ANXA4: variants seen among roughly 807,000 people sequenced by gnomAD.
ANXA4 encodes the protein annexin A4.
A neutral mutation model predicts 49.8 loss-of-function variants in ANXA4; 39 were observed. That is an observed-to-expected ratio of 0.78 (90% CI 0.61 to 1.02). ANXA4 has a LOEUF of 1.02. Ranked by LOEUF, ANXA4 falls within the 50% of genes least tolerant of loss-of-function variation. ANXA4 has a pLI of 0.00. For missense variants in ANXA4, 360 were observed against 410.1 expected (o/e 0.88, Z 1.05); for synonymous variants, 134 against 152.5 (o/e 0.88, Z 0.89).
At chr2:69,789,898 C>CT (rs1273227065) in intron 3 of ANXA4, among the ~76,000 whole-genome samples, 1 of 152,104 alleles carries the variant, frequency 6.6e-6, no homozygotes, top group African/African-American at 2.4e-5. Context: ...CCACCCAAGT[C>CT]TGTTTTTAGC....
chr2:69,805,528 T>C (rs141810831), intron 4 of ANXA4, among the ~76,000 whole-genome samples: 454 of 150,204 alleles, frequency 3.0e-3, no homozygotes, highest in African/African-American at 0.01. Context: ...ATCGCTTGAA[T>C]CCAGGAGGCG....
intron 3 of ANXA4, among the ~76,000 whole-genome samples, chr2:69,728,392 A>AATAAAT (rs1488282401): frequency 5.9e-5 from 9 of 152,142 alleles, no homozygotes; most frequent in East Asian, 3.8e-4. Flanking sequence ...ATATAACTGA[A>AATAAAT]TTTATTTATT....
At chr2:69,710,306 C>G (rs1026602197) in intron 2 of ANXA4, among the ~76,000 whole-genome samples, 1 of 152,048 alleles carries the variant, frequency 6.6e-6, no homozygotes, top group Admixed American at 6.5e-5. Context: ...TTTTTAAATG[C>G]ATTGCTGATA....
chr2:69,723,296 T>C (rs550902585), intron 3 of ANXA4, among the ~76,000 whole-genome samples: 1 of 151,936 alleles, frequency 6.6e-6, no homozygotes, highest in East Asian at 1.9e-4. Context: ...TAAAAGCTAC[T>C]AAATAAATAT....
chr2:69,814,468 C>T (rs1265122863), intron 8 of ANXA4, among the ~76,000 whole-genome samples: 1 of 151,350 alleles, frequency 6.6e-6, no homozygotes, highest in Non-Finnish European at 1.5e-5. Context: ...ACCTCAGCCT[C>T]CTGAGTAGCT....
At position 69,651,816 on chromosome 2, in the gene ANXA4, TTGGGG is replaced by T. The variant is rs1434123719; in HGVS notation, n.482-1181_482-1177del. Among the ~76,000 whole-genome samples the T allele has an allele frequency of 2.9e-3, 54 of 18,842 alleles. No individual in the cohort carries two copies. In the East Asian group the frequency reaches 0.047, roughly 17 times the overall value. The allele number at this position is 18,842 out of a possible 152,430, so 12.4% of individuals were successfully genotyped here. A position where few individuals can be genotyped will look rare whatever the true frequency, so the allele number is the denominator to read the frequency against. ...CGCGCCCGGCTTTTTTTTTTTTTTT[TTGGGG>T]GGGGGGGGCGGGGAGACAGAGTCTC... is the stretch of plus-strand genomic sequence containing the variant. On this transcript the variant is annotated intron_variant and non_coding_transcript_variant, in intron 1 of 3. Transcript: ENST00000418066.
intron 1 of ANXA4, among the ~76,000 whole-genome samples, chr2:69,776,864 G>A (rs1332876857): frequency 1.3e-5 from 2 of 152,168 alleles, no homozygotes; most frequent in African/African-American, 4.8e-5. Flanking sequence ...GACAAGCTTG[G>A]GTTAAGGGAT....
At chr2:69,748,797 A>G (rs2105486347) in intron 1 of ANXA4, among the ~76,000 whole-genome samples, 1 of 149,036 alleles carries the variant, frequency 6.7e-6, no homozygotes, top group South Asian at 2.1e-4. Context: ...TGCACCCTCG[A>G]CCTCCCAAGC....
At chr2:69,782,191 G>A (rs998682424) in intron 2 of ANXA4, among the ~76,000 whole-genome samples, 22 of 152,118 alleles carry the variant, frequency 1.4e-4, no homozygotes, top group Admixed American at 1.4e-3. Context: ...CCCAAATACG[G>A]TTTCTGAATA....
chr2:69,819,329 A>G lies in ANXA4; in HGVS notation c.774A>G (p.Lys258=), dbSNP rs753407837. 6 of 1,607,438 alleles carry G rather than the reference A, an allele frequency of 3.7e-6. 1 individual carries two copies. In the Admixed American group the frequency reaches 6.7e-5, roughly 18 times the overall value. ...KSAYFAEKLY[K]SMKGLGTDDN... The stretch of plus-strand genomic sequence containing the variant: ...CATATTTTGCTGAAAAGCTCTATAA[A>G]TCGATGAAGGTAAATGGCCTTATTT... Residue 258 remains lysine, a synonymous_variant, in exon 11 of 13, where the codon AAA becomes AAG. Coordinates refer to ENST00000394295, the MANE Select transcript of ANXA4 (RefSeq NM_001153.5).
chr2:69,650,707 G>T (rs983067173), intron 1 of ANXA4, among the ~76,000 whole-genome samples: 2 of 152,098 alleles, frequency 1.3e-5, no homozygotes, highest in Non-Finnish European at 2.9e-5. Flanking sequence ...TCCTCCCTCG[G>T]CCTCCCAAAG....
intron 1 of ANXA4, among the ~76,000 whole-genome samples, chr2:69,652,046 T>C (rs1373603212): frequency 1.3e-5 from 2 of 152,022 alleles, no homozygotes; most frequent in Non-Finnish European, 2.9e-5. Flanking sequence ...GGAGTCTCAC[T>C]CTATCACCCA....
chr2:69,784,866 A>T (rs1182342779), intron 2 of ANXA4, among the ~76,000 whole-genome samples: 1 of 152,088 alleles, frequency 6.6e-6, no homozygotes, highest in Non-Finnish European at 1.5e-5. Context: ...CACCCCTTGT[A>T]TGTCTCTGTC....
At chr2:69,742,002 G>C (rs556834902), upstream of ANXA4, 1 of 152,398 alleles carries the variant, frequency 6.6e-6, no homozygotes, top group Non-Finnish European at 1.5e-5. Context: ...GGGGCCCCAG[G>C]TGCGCTTCCC....
chr2:69,683,501 GT>G (rs1677669306), intron 2 of ANXA4, among the ~76,000 whole-genome samples: 1 of 152,156 alleles, frequency 6.6e-6, no homozygotes, highest in Non-Finnish European at 1.5e-5. Flanking sequence ...TCATTATCTT[GT>G]TTTGATAGGT....
chr2:69,682,400 C>T (rs1296989965), intron 2 of ANXA4, among the ~76,000 whole-genome samples: 1 of 151,866 alleles, frequency 6.6e-6, no homozygotes, highest in Non-Finnish European at 1.5e-5. Flanking sequence ...ATGATTCATC[C>T]TTGCTTTTTA....
intron 2 of ANXA4, among the ~76,000 whole-genome samples, chr2:69,682,352 G>C (rs1486591312): frequency 6.6e-6 from 1 of 151,618 alleles, no homozygotes; most frequent in Non-Finnish European, 1.5e-5. Context: ...GATATTTTAC[G>C]TTTCTTCTAT....
rs143924466 is a variant in ANXA4, at chr2:69,774,425, G to A, written c.-46-7095G>A. Among the ~76,000 whole-genome samples the A allele has an allele frequency of 7.4e-3, 981 of 132,682 alleles. 14 individuals carry two copies. The highest frequency in any genetic ancestry group is 0.035 in the Middle Eastern group (7 of 202). 87.0% of individuals were successfully genotyped at this position (132,682 alleles called of 152,430 possible). Reference sequence around the variant, plus strand: ...GCAATCTCAGCTCACTGCAACCTCCGCCTCCCAGGTTCAAGTGATTCTTCT... The same window carrying A: ...GCAATCTCAGCTCACTGCAACCTCCACCTCCCAGGTTCAAGTGATTCTTCT... On this transcript the variant is annotated intron_variant, in intron 1 of 12. Coordinates refer to ENST00000394295, the MANE Select transcript of ANXA4 (RefSeq NM_001153.5).
intron 2 of ANXA4, among the ~76,000 whole-genome samples, chr2:69,715,271 G>A: frequency 6.6e-6 from 1 of 152,128 alleles, no homozygotes; most frequent in East Asian, 1.9e-4. Context: ...GTGCAGTGGT[G>A]CAATCTCCTC....
Sources: allele counts gnomAD v4.1 joint callset (sites outside exome capture counted in the v4.1 genomes callset), GRCh38; gene constraint gnomAD v4.1.1; transcripts MANE v1.5; gene names NCBI Gene and HGNC (gene_info 2026-07-23, HGNC 2026-07-21).